The following PSD3 variants were observed in gnomAD, a reference collection of about 807,000 sequenced individuals.
The protein encoded by PSD3 is PH and SEC7 domain-containing protein 3.
In PSD3, 49 loss-of-function variants were observed where a neutral mutation model predicts 105.5. That is an observed-to-expected ratio of 0.46 (90% CI 0.37 to 0.59). The LOEUF is 0.59. PSD3 is among the 20% of genes least tolerant of loss of function. The probability of loss-of-function intolerance (pLI) is 0.00; values close to 1 mark genes in which losing one functional copy is unlikely to be tolerated. For synonymous variants in PSD3, 557 were observed against 457.8 expected (o/e 1.22, Z -2.77); for missense variants, 1,561 against 1,263.8 (o/e 1.24, Z -3.57).
intron 10 of PSD3, among the ~76,000 whole-genome samples, chr8:18,635,372 A>G (rs2130779321): frequency 1.3e-5 from 2 of 152,258 alleles, no homozygotes; most frequent in Admixed American, 1.3e-4. Flanking sequence ...AGCTAGGGAG[A>G]TACAGTTATG....
rs181828295 is a variant in PSD3, at chr8:18,914,254, C to T, written c.130+21780G>A. 2.9e-4 allele frequency among the ~76,000 whole-genome samples: 44 copies of T among 149,350 alleles called. No individual in the cohort carries two copies. The East Asian group carries it at 8.1e-3, about 27-fold the overall frequency. ...CAGGTAAAGAAGGAATGTACCTCAA[C>T]ATAATAAAGACCCTATGTGACAAGC... is the stretch of plus-strand genomic sequence containing the variant. On this transcript the variant is annotated intron_variant, in intron 2 of 15. Transcript: ENST00000327040.
chr8:18,990,190 G>C (rs1276540563), intron 1 of PSD3, among the ~76,000 whole-genome samples: 2 of 152,146 alleles, frequency 1.3e-5, no homozygotes, highest in African/African-American at 4.8e-5. Flanking sequence ...TCTTCACAGG[G>C]CATCCAGAGT....
intron 4 of PSD3, among the ~76,000 whole-genome samples, chr8:18,835,295 A>G (rs1231135791): frequency 6.6e-6 from 1 of 152,016 alleles, no homozygotes; most frequent in Non-Finnish European, 1.5e-5. Flanking sequence ...AAAGAAACAA[A>G]TTTACAACAT....
intron 1 of PSD3, among the ~76,000 whole-genome samples, chr8:18,958,128 C>T (rs1327859926): frequency 6.6e-6 from 1 of 151,808 alleles, no homozygotes; most frequent in Admixed American, 6.6e-5. Flanking sequence ...GGCTAATATA[C>T]AAAAATATAA....
intron 9 of PSD3, among the ~76,000 whole-genome samples, chr8:18,686,155 C>A (rs1229636687): frequency 6.6e-6 from 1 of 152,180 alleles, no homozygotes; most frequent in Non-Finnish European, 1.5e-5. Context: ...CCAAAGACTG[C>A]CCAATTGACG....
intron 9 of PSD3, among the ~76,000 whole-genome samples, chr8:18,760,244 TCA>T (rs1806407779): frequency 6.6e-6 from 1 of 152,190 alleles, no homozygotes; most frequent in Non-Finnish European, 1.5e-5. Context: ...ATTTCTCACC[TCA>T]CATACTGTTT....
chr8:18,936,025 A>T lies in PSD3; in HGVS notation c.130+9T>A. 1 of 1,564,526 alleles carries T rather than the reference A, an allele frequency of 6.4e-7. No homozygotes were observed. The highest frequency in any genetic ancestry group is 8.8e-7 in the Non-Finnish European group (1 of 1,136,294). The stretch of plus-strand genomic sequence containing the variant: ...TTTACCTGGGAGAGGGATATGAGGA[A>T]ATACTTACTAGTATCTGGAGCTTTC... On this transcript the variant is annotated intron_variant, in intron 2 of 15. Coordinates refer to ENST00000327040, the MANE Select transcript of PSD3 (RefSeq NM_015310.4).
chr8:18,660,072 C>T (rs1809232564), intron 9 of PSD3, among the ~76,000 whole-genome samples: 1 of 152,102 alleles, frequency 6.6e-6, no homozygotes, highest in African/African-American at 2.4e-5. Flanking sequence ...ATCTCTAGAA[C>T]TTGTGAATGT....
At chr8:18,943,602 G>A (rs1388547277) in intron 1 of PSD3, among the ~76,000 whole-genome samples, 1 of 152,092 alleles carries the variant, frequency 6.6e-6, no homozygotes, top group African/African-American at 2.4e-5. Flanking sequence ...AAGGAAAAGG[G>A]AGTGGCTTAG....
chr8:18,609,808 T>C (rs17126924), intron 11 of PSD3, among the ~76,000 whole-genome samples: 10,014 of 152,296 alleles, frequency 0.066, 451 homozygotes, highest in South Asian at 0.14. Context: ...AACTTTCTTT[T>C]ACAAAATATC....
At chr8:19,076,733 T>C (rs1300768823) in intron 1 of PSD3, among the ~76,000 whole-genome samples, 1 of 152,236 alleles carries the variant, frequency 6.6e-6, no homozygotes, top group African/African-American at 2.4e-5. Flanking sequence ...AAAGAGAATT[T>C]CTGTGGGACA....
intron 15 of PSD3, among the ~76,000 whole-genome samples, chr8:18,555,029 C>T (rs1800981923): frequency 2.0e-5 from 3 of 151,990 alleles, no homozygotes; most frequent in Admixed American, 2.0e-4. Context: ...AAATCCTCTC[C>T]AGTGAAAGAA....
Position 18,924,483 on chromosome 8 carries a change from C to G in PSD3, c.130+11551G>C, listed in dbSNP as rs111630986. Reference sequence around the variant, plus strand: ...GACTAGCCACAAAATTATAAACCAACTTCTATCCGTGGTGAAAACAAGAAA... The same window carrying G: ...GACTAGCCACAAAATTATAAACCAAGTTCTATCCGTGGTGAAAACAAGAAA... On this transcript the variant is annotated intron_variant, in intron 2 of 15. Coordinates refer to ENST00000327040, the MANE Select transcript of PSD3 (RefSeq NM_015310.4). The G allele has an allele frequency of 2.6e-5, 4 of 152,298 alleles. 1 individual carries two copies. The highest frequency in any genetic ancestry group is 9.6e-5 in the African/African-American group (4 of 41,566). 9.4% of individuals were successfully genotyped at this position (152,298 alleles called of 1,614,324 possible). A position where few individuals can be genotyped will look rare whatever the true frequency, so the allele number is the denominator to read the frequency against.
intron 1 of PSD3, among the ~76,000 whole-genome samples, chr8:18,984,011 TAA>T (rs66481672): frequency 2.7e-3 from 352 of 132,560 alleles, no homozygotes; most frequent in Middle Eastern, 0.012. Flanking sequence ...TCTCATTATT[TAA>T]AAAAAAAAAA....
intron 2 of PSD3, among the ~76,000 whole-genome samples, chr8:18,900,080 G>A (rs542074813): frequency 6.6e-6 from 1 of 152,124 alleles, no homozygotes; most frequent in African/African-American, 2.4e-5. Flanking sequence ...TGGTGTCTGG[G>A]AACTTGTCTA....
chr8:18,799,397 C>G lies in PSD3; in HGVS notation c.2024-44G>C. On this transcript the variant is annotated intron_variant, in intron 7 of 15. Transcript: ENST00000327040. ...AAAAAAAGCATGAATTCGCTTTTCA[C>G]TGTTGGACTCCACCTTATTATCACT... 6 of 1,421,482 alleles carry G rather than the reference C, an allele frequency of 4.2e-6. No individual in the cohort carries two copies. The South Asian group carries it at 6.9e-5, about 16-fold the overall frequency. 88.1% of individuals were successfully genotyped at this position (1,421,482 alleles called of 1,614,324 possible).
At chr8:18,830,224 G>A (rs930093662) in intron 4 of PSD3, among the ~76,000 whole-genome samples, 1 of 152,170 alleles carries the variant, frequency 6.6e-6, no homozygotes, top group African/African-American at 2.4e-5. Flanking sequence ...TTACAGGTGT[G>A]AGCCACCGCA....
chr8:19,055,516 G>A (rs1022871066), intron 1 of PSD3, among the ~76,000 whole-genome samples: 1 of 152,210 alleles, frequency 6.6e-6, no homozygotes, highest in Non-Finnish European at 1.5e-5. Flanking sequence ...GCCTCCCAAA[G>A]TGCTGGGATT....
chr8:18,850,747 C>A (rs1815499476), intron 4 of PSD3, among the ~76,000 whole-genome samples: 1 of 152,166 alleles, frequency 6.6e-6, no homozygotes, highest in Non-Finnish European at 1.5e-5. Flanking sequence ...GATGGGCAAA[C>A]TGAGGGGTCA....
Sources: gnomAD v4.1 joint callset for allele counts (sites outside exome capture counted in the v4.1 genomes callset) on GRCh38, gnomAD v4.1.1 for gene constraint, MANE v1.5 for transcripts, NCBI Gene and HGNC (gene_info 2026-07-23, HGNC 2026-07-21) for gene names.